The following BAX variants were observed in gnomAD, a reference collection of about 807,000 sequenced individuals.
BAX encodes the protein apoptosis regulator BAX.
Under a neutral mutation model 26.8 loss-of-function variants are expected in BAX, and 21 were observed. The ratio of observed to expected loss-of-function variants is 0.78; its 90% CI spans 0.56 to 1.13. BAX has a LOEUF of 1.13. BAX is among the 50% of genes most tolerant of loss of function. The probability of loss-of-function intolerance (pLI) is 0.00; values close to 1 mark genes in which losing one functional copy is unlikely to be tolerated. For synonymous variants in BAX, 110 were observed against 101.8 expected (o/e 1.08, Z -0.49); for missense variants, 236 against 254.6 (o/e 0.93, Z 0.50).
Position 48,955,526 on chromosome 19 carries a change from C to A in BAX, c.35-22C>A, listed in dbSNP as rs575244514. On this transcript the variant is annotated intron_variant, in intron 1 of 5. Coordinates refer to ENST00000345358, the MANE Select transcript of BAX (RefSeq NM_138761.4). ...CTAGAACCCAAGAGTCCAGGTACCT[C>A]TTCCCTTCCTTTCTCCTCTAGGGCC... 2.4e-5 allele frequency: 38 copies of A among 1,608,404 alleles called. No homozygotes were observed. In the East Asian group the frequency reaches 6.0e-4, roughly 26 times the overall value.
chr19:48,957,811 G>A (rs552308982), intron 4 of BAX, among the ~76,000 whole-genome samples: 6 of 152,264 alleles, frequency 3.9e-5, no homozygotes, highest in Admixed American at 3.3e-4. Context: ...AAGTCAAACC[G>A]TCATAAGTTG....
At chr19:48,955,867 C>G in intron 3 of BAX, 34 bp downstream of exon 3, 1 of 1,549,050 alleles carries the variant, frequency 6.5e-7, no homozygotes, top group Non-Finnish European at 8.7e-7. Context: ...AGTCCAGCCA[C>G]TGGGCTCCTT....
chr19:48,961,329 C>G (rs887345862), intron 5 of BAX: 37 of 1,339,464 alleles, frequency 2.8e-5, no homozygotes, highest in Non-Finnish European at 3.6e-5. Context: ...TCAAGCGATC[C>G]TCCCGCCTCA....
intron 4 of BAX, among the ~76,000 whole-genome samples, chr19:48,959,242 C>T (rs551753406): frequency 6.7e-6 from 1 of 148,216 alleles, no homozygotes; most frequent in Non-Finnish European, 1.5e-5. Context: ...CCCAGCTACT[C>T]GGGAGGCTGA....
Position 48,954,882 on chromosome 19 carries a change from G to T in BAX, c.-47G>T, listed in dbSNP as rs532630542. ...CTCTCACGTGACCCGGGCGCGCTGCGGCCGCCCGCGCGGACCCGGCGAGAG... is the reference window on the plus strand; with the variant it reads ...CTCTCACGTGACCCGGGCGCGCTGCTGCCGCCCGCGCGGACCCGGCGAGAG... On this transcript the variant is annotated 5_prime_UTR_variant, in exon 1 of 6. Transcript: ENST00000345358. 41 of 1,224,634 alleles carry T rather than the reference G, an allele frequency of 3.3e-5. No individual in the cohort carries two copies. In the East Asian group the frequency reaches 8.3e-4, roughly 25 times the overall value. 75.9% of individuals were successfully genotyped at this position (1,224,634 alleles called of 1,614,324 possible).
chr19:48,960,251 T>C (rs983830415), intron 4 of BAX: 1 of 447,190 alleles, frequency 2.2e-6, no homozygotes. Context: ...TGGCGTGAAA[T>C]GGCGTGATCT....
chr19:48,957,388 C>A (rs891147278), intron 4 of BAX, among the ~76,000 whole-genome samples: 1 of 137,748 alleles, frequency 7.3e-6, no homozygotes, highest in South Asian at 2.5e-4. Context: ...GACTCTCATG[C>A]TTTAGCCTCC....
chr19:48,956,278 TC>T lies in BAX; in HGVS notation c.315del (p.Phe105LeufsTer28). 2 of 1,591,084 alleles carry T rather than the reference TC, an allele frequency of 1.3e-6. No homozygotes were observed. Among genetic ancestry groups the T allele is most frequent in the Non-Finnish European group, 8.5e-7 (1 of 1,169,618 alleles). On this transcript the variant is annotated frameshift_variant, in exon 4 of 6. Transcript: ENST00000345358. LOFTEE classifies it high-confidence loss of function. ...VAADMFSDGNFNWGRVVALFY... is the reference protein window; with the variant it reads ...VAADMFSDGNXNWGRVVALFY... ...GCTGACATGTTTTCTGACGGCAACT[TC>T]AACTGGGGCCGGGTTGTCGCCCTTT...
chr19:48,958,101 T>TTG (rs2038209073), intron 4 of BAX, among the ~76,000 whole-genome samples: 1 of 150,380 alleles, frequency 6.6e-6, no homozygotes, highest in Non-Finnish European at 1.5e-5. Context: ...GGGCATTTTT[T>TTG]TTTTTAAGAG....
Position 48,961,689 on chromosome 19 carries a change from C to T in BAX, c.*53C>T. On this transcript the variant is annotated 3_prime_UTR_variant, in exon 6 of 6. Transcript: ENST00000345358. ...TTCCTCCATAAATTATGGCATTTTT[C>T]TGGGAGGGGTGGGGATTGGGGGACG... The T allele has an allele frequency of 3.6e-6, 5 of 1,373,568 alleles. No individual in the cohort carries two copies. Among genetic ancestry groups the T allele is most frequent in the East Asian group, 2.6e-5 (1 of 38,300 alleles). 85.1% of individuals were successfully genotyped at this position (1,373,568 alleles called of 1,614,324 possible).
chr19:48,954,958 CG>C lies in BAX; in HGVS notation c.34+1del. On this transcript the variant is annotated frameshift_variant, in exon 1 of 6. Transcript: ENST00000345358. LOFTEE classifies it high-confidence loss of function. MDGSGEQPRGGGPTSSEQIMK... is the reference protein window; with the variant it reads MDGSGEQPRGXGPTSSEQIMK... ...ACGGGTCCGGGGAGCAGCCCAGAGG[CG>C]GGGGTGAGGCGGGAGGCAGACGGGC... The C allele has an allele frequency of 8.5e-7, 1 of 1,182,640 alleles. No homozygotes were observed. Among genetic ancestry groups the C allele is most frequent in the Non-Finnish European group, 1.0e-6 (1 of 956,920 alleles). The allele number at this position is 1,182,640 out of a possible 1,614,324, so 73.3% of individuals were successfully genotyped here. A position where few individuals can be genotyped will look rare whatever the true frequency, so the allele number is the denominator to read the frequency against.
intron 4 of BAX, among the ~76,000 whole-genome samples, chr19:48,958,230 A>G (rs2038213539): frequency 6.6e-6 from 1 of 151,702 alleles, no homozygotes; most frequent in Non-Finnish European, 1.5e-5. Flanking sequence ...CTGAGACTAC[A>G]GGAGCATGCC....
In BAX at chr19:48,955,832, A is replaced by C; in HGVS notation, c.232A>C (p.Arg78=). The change falls in exon 3 of 6, where the codon AGG becomes CGG. Residue 78 remains arginine, a splice_region_variant and synonymous_variant. Transcript: ENST00000345358. ...ACTGGACAGTAACATGGAGCTGCAG[A>C]GGTGTGGGCCCCTGAGGACCCAGAA... is the stretch of plus-strand genomic sequence containing the variant. ...DELDSNMELQ[R]MIAAVDTDSP... is the part of the protein sequence containing the mutation. 6.3e-7 allele frequency: 1 copy of C among 1,589,242 alleles called. No homozygotes were observed. Among genetic ancestry groups the C allele is most frequent in the African/African-American group, 1.4e-5 (1 of 73,970 alleles).
In BAX at chr19:48,956,232, G is replaced by A. The variant is rs1381017844; in HGVS notation, c.268G>A (p.Glu90Lys). The change falls in exon 4 of 6, where the codon GAG becomes AAG. Residue 90 changes from glutamate (E) to lysine (K), a missense_variant. By Grantham distance (56) the Glu-to-Lys change is moderately conservative. Transcript: ENST00000345358. ...CGCCGTGGACACAGACTCCCCCCGA[G>A]AGGTCTTTTTCCGAGTGGCAGCTGA... ...IAAVDTDSPREVFFRVAADMF... is the reference protein window; with the variant it reads ...IAAVDTDSPRKVFFRVAADMF... 6.3e-7 allele frequency: 1 copy of A among 1,588,392 alleles called. No homozygotes were observed. The highest frequency in any genetic ancestry group is 2.3e-5 in the East Asian group (1 of 42,702).
At chr19:48,960,237 A>G (rs938809976) in intron 4 of BAX, 3 of 446,938 alleles carry the variant, frequency 6.7e-6, no homozygotes, top group South Asian at 1.6e-5. Context: ...TCTATTGTCC[A>G]GGCTGGCGTG....
intron 4 of BAX, among the ~76,000 whole-genome samples, 184 bp from the exon 5 acceptor site, chr19:48,960,626 G>A (rs528461012): frequency 1.1e-4 from 16 of 152,316 alleles, no homozygotes; most frequent in South Asian, 2.1e-4. Flanking sequence ...GCCTCCCAAA[G>A]TGCTGGGATT....
chr19:48,960,181 C>A (rs569661507), intron 4 of BAX: 1 of 422,218 alleles, frequency 2.4e-6, no homozygotes, highest in South Asian at 1.7e-5. Context: ...ATCTTGTTTA[C>A]AATTTTATTT....
At chr19:48,955,232 G>T (rs1020822628) in intron 1 of BAX, 55 of 423,532 alleles carry the variant, frequency 1.3e-4, no homozygotes, top group Middle Eastern at 6.0e-4. Context: ...CGGGCTTGTC[G>T]CCCGCACCAC....
At chr19:48,960,197 A>T (rs947623116) in intron 4 of BAX, 10 of 437,102 alleles carry the variant, frequency 2.3e-5, no homozygotes, top group Admixed American at 1.3e-4. Context: ...TATTTTTTTT[A>T]TTTATTTATT....
Sources: allele counts gnomAD v4.1 joint callset (sites outside exome capture counted in the v4.1 genomes callset), GRCh38; gene constraint gnomAD v4.1.1; transcripts MANE v1.5; gene names NCBI Gene and HGNC (gene_info 2026-07-23, HGNC 2026-07-21).